The following TSPAN9 variants were observed in gnomAD, a reference collection of about 807,000 sequenced individuals.
TSPAN9 encodes tetraspanin-9.
TSPAN9 carries 16 observed loss-of-function variants against 31.0 expected under a neutral mutation model. That is an observed-to-expected ratio of 0.52 (90% confidence interval 0.35 to 0.78). TSPAN9 has a LOEUF of 0.78. Ranked by LOEUF, TSPAN9 falls within the 30% of genes least tolerant of loss-of-function variation. The pLI is 0.01. For synonymous variants in TSPAN9, 145 were observed against 121.6 expected (o/e 1.19, Z -1.27); for missense variants, 272 against 312.5 (o/e 0.87, Z 0.98).
intron 2 of TSPAN9, among the ~76,000 whole-genome samples, chr12:3,129,157 C>T (rs560856131): frequency 1.3e-5 from 2 of 152,174 alleles, no homozygotes; most frequent in South Asian, 2.1e-4. Flanking sequence ...TTTTTTTGCC[C>T]TTTTACCCAG....
At chr12:3,204,680 C>T (rs1468809874) in intron 3 of TSPAN9, among the ~76,000 whole-genome samples, 1 of 152,148 alleles carries the variant, frequency 6.6e-6, no homozygotes, top group African/African-American at 2.4e-5. Context: ...CCCATCTCCT[C>T]TTTGTCTTCT....
At chr12:3,082,081 A>G (rs2098298223) in intron 1 of TSPAN9, among the ~76,000 whole-genome samples, 1 of 152,162 alleles carries the variant, frequency 6.6e-6, no homozygotes, top group East Asian at 1.9e-4. Context: ...CTTATAAGCC[A>G]GTAAAGAGTT....
chr12:3,209,651 A>G (rs1366614051), intron 3 of TSPAN9, among the ~76,000 whole-genome samples: 1 of 151,904 alleles, frequency 6.6e-6, no homozygotes, highest in Non-Finnish European at 1.5e-5. Context: ...TGGCAATGTC[A>G]GATTGCTATA....
At chr12:3,227,272 T>A (rs1473215008) in intron 3 of TSPAN9, among the ~76,000 whole-genome samples, 1 of 152,154 alleles carries the variant, frequency 6.6e-6, no homozygotes, top group African/African-American at 2.4e-5. Flanking sequence ...TCAGAAGTCA[T>A]CGGCTGTACA....
intron 2 of TSPAN9, among the ~76,000 whole-genome samples, chr12:3,109,792 C>CT (rs2098317398): frequency 9.1e-6 from 1 of 109,332 alleles, no homozygotes; most frequent in African/African-American, 4.1e-5. Context: ...GAGCAAAACT[C>CT]TGTCTCAAAA....
intron 2 of TSPAN9, among the ~76,000 whole-genome samples, chr12:3,174,823 C>T (rs534629736): frequency 0.031 from 4,705 of 151,016 alleles, 107 homozygotes; most frequent in Middle Eastern, 0.092. Flanking sequence ...ACCTCGTGAT[C>T]CTCCCGCCTC....
intron 2 of TSPAN9, among the ~76,000 whole-genome samples, chr12:3,105,808 A>G (rs2335344): frequency 0.19 from 29,286 of 150,666 alleles, 2,956 homozygotes; most frequent in African/African-American, 0.24. Context: ...ACACATGCGC[A>G]CACACGCACA....
intron 2 of TSPAN9, among the ~76,000 whole-genome samples, chr12:3,093,303 G>A (rs915819820): frequency 2.6e-5 from 4 of 152,184 alleles, no homozygotes; most frequent in African/African-American, 4.8e-5. Flanking sequence ...GGGGCCAGGC[G>A]TGGGGGGCAG....
At chr12:3,176,479 G>A (rs990277226) in intron 2 of TSPAN9, among the ~76,000 whole-genome samples, 5 of 152,224 alleles carry the variant, frequency 3.3e-5, no homozygotes, top group African/African-American at 7.2e-5. Context: ...TGTCACATCC[G>A]TGTGCTGCCT....
At chr12:3,112,221 A>G (rs1480585436) in intron 2 of TSPAN9, among the ~76,000 whole-genome samples, 1 of 141,950 alleles carries the variant, frequency 7.0e-6, no homozygotes, top group Non-Finnish European at 1.5e-5. Context: ...CTTGTTGCCC[A>G]GGATGGAGTA....
intron 2 of TSPAN9, among the ~76,000 whole-genome samples, chr12:3,084,759 C>T (rs2098299575): frequency 6.6e-6 from 1 of 152,250 alleles, no homozygotes; most frequent in Non-Finnish European, 1.5e-5. Context: ...TCCTCCTTTA[C>T]CAGCGGCAGC....
intron 2 of TSPAN9, among the ~76,000 whole-genome samples, chr12:3,154,476 C>T (rs888266186): frequency 2.0e-5 from 3 of 152,202 alleles, no homozygotes; most frequent in Non-Finnish European, 1.5e-5. Flanking sequence ...CTGAAATGAC[C>T]GTGGGCTCAC....
intron 3 of TSPAN9, among the ~76,000 whole-genome samples, chr12:3,222,741 A>G (rs1397814267): frequency 6.6e-6 from 1 of 152,196 alleles, no homozygotes; most frequent in African/African-American, 2.4e-5. Flanking sequence ...AATGAGGACC[A>G]GAGACTGAGG....
At chr12:3,219,729 G>A (rs1021635813) in intron 3 of TSPAN9, among the ~76,000 whole-genome samples, 16 of 151,958 alleles carry the variant, frequency 1.1e-4, no homozygotes, top group Non-Finnish European at 1.8e-4. Flanking sequence ...AGCTAGGGGA[G>A]GGATAGCATT....
chr12:3,247,408 G>T (rs1441111741), intron 3 of TSPAN9, among the ~76,000 whole-genome samples: 1 of 151,522 alleles, frequency 6.6e-6, no homozygotes, highest in African/African-American at 2.4e-5. Context: ...GATGTCTGGG[G>T]GTCCTTTCTG....
intron 2 of TSPAN9, among the ~76,000 whole-genome samples, chr12:3,174,825 T>C (rs12580592): frequency 1.0e-4 from 15 of 150,032 alleles, no homozygotes; most frequent in African/African-American, 2.5e-4. Flanking sequence ...CTCGTGATCC[T>C]CCCGCCTCGG....
At chr12:3,237,048 C>A (rs1031871371) in intron 3 of TSPAN9, among the ~76,000 whole-genome samples, 9 of 152,138 alleles carry the variant, frequency 5.9e-5, no homozygotes, top group Non-Finnish European at 1.2e-4. Context: ...GGGGCCATTG[C>A]TTTGAATGAC....
intron 4 of TSPAN9, 94 bp downstream of exon 4, chr12:3,278,706 G>A (rs1267310858): frequency 1.3e-6 from 2 of 1,498,052 alleles, no homozygotes; most frequent in Non-Finnish European, 1.8e-6. Context: ...TAGCCACCTG[G>A]GTGTCCAACC....
Position 3,168,604 on chromosome 12 carries a change from C to T in TSPAN9, c.-17-32573C>T, listed in dbSNP as rs1048814897. On this transcript the variant is annotated intron_variant, in intron 2 of 8. Transcript: ENST00000011898. The surrounding 1 kb of genome is among the most constrained non-coding windows in gnomAD (Gnocchi z 4.0). ...TCTATTTCTATGTGTGAGTCATTGT[C>T]ACTTGCTTGTGAAGTGCTGCATCCA... Among the ~76,000 whole-genome samples, 7 of 152,172 alleles carry T rather than the reference C, an allele frequency of 4.6e-5. No homozygotes were observed. Among genetic ancestry groups the T allele is most frequent in the Non-Finnish European group, 8.8e-5 (6 of 68,034 alleles).
Sources: allele counts gnomAD v4.1 joint callset (sites outside exome capture counted in the v4.1 genomes callset), GRCh38; gene constraint gnomAD v4.1.1; non-coding constraint Gnocchi (gnomAD v3.1); transcripts MANE v1.5; gene names NCBI Gene and HGNC (gene_info 2026-07-23, HGNC 2026-07-21).